Variants in STXBP6 observed in about 807,000 individuals in gnomAD.
STXBP6 encodes the protein syntaxin binding protein 6, also known as syntaxin-binding protein 6.
STXBP6 carries 21 observed loss-of-function variants against 26.9 expected under a neutral mutation model. The ratio of observed to expected loss-of-function variants is 0.78; its 90% confidence interval spans 0.55 to 1.12. The LOEUF (loss-of-function observed/expected upper bound fraction) is 1.12. STXBP6 is among the 50% of genes most tolerant of loss of function. STXBP6 has a pLI of 0.00. For missense variants in STXBP6, 232 were observed against 257.9 expected (o/e 0.90, Z 0.69); for synonymous variants, 97 against 92.6 (o/e 1.05, Z -0.27).
intron 4 of STXBP6, chr14:24,819,428 A>C: frequency 1.7e-6 from 1 of 595,042 alleles, no homozygotes. Context: ...TTCTCTATAA[A>C]CTCATCACTG....
At chr14:25,022,646 A>G (rs1475748158) in intron 1 of STXBP6, among the ~76,000 whole-genome samples, 1 of 152,246 alleles carries the variant, frequency 6.6e-6, no homozygotes, top group East Asian at 1.9e-4. Context: ...CAAATATTTT[A>G]AAAACATTAC....
chr14:24,847,820 GCA>G (rs1177557778), intron 4 of STXBP6, among the ~76,000 whole-genome samples: 1 of 152,010 alleles, frequency 6.6e-6, no homozygotes, highest in Non-Finnish European at 1.5e-5. Flanking sequence ...CTGATCTCTG[GCA>G]CAGTGTTACT....
chr14:24,832,542 T>C (rs752901534), intron 4 of STXBP6, among the ~76,000 whole-genome samples: 3 of 152,198 alleles, frequency 2.0e-5, no homozygotes, highest in Non-Finnish European at 4.4e-5. Flanking sequence ...TCATGACTAT[T>C]CATTAGTCAT....
chr14:24,874,769 G>A (rs1322750694), intron 2 of STXBP6, among the ~76,000 whole-genome samples: 6 of 151,996 alleles, frequency 3.9e-5, no homozygotes, highest in African/African-American at 1.4e-4. Context: ...CTTAGACAAG[G>A]TCCCTTTGCA....
At chr14:25,014,024 A>T (rs1465383583) in intron 1 of STXBP6, among the ~76,000 whole-genome samples, 1 of 152,216 alleles carries the variant, frequency 6.6e-6, no homozygotes, top group Non-Finnish European at 1.5e-5. Context: ...CTAATAAAAT[A>T]ATAGGATGTC....
intron 1 of STXBP6, among the ~76,000 whole-genome samples, chr14:24,978,295 A>T (rs926082327): frequency 5.3e-5 from 8 of 152,234 alleles, no homozygotes; most frequent in Non-Finnish European, 1.2e-4. Flanking sequence ...GCAGCCATGC[A>T]GTCATTCTGC....
intron 2 of STXBP6, among the ~76,000 whole-genome samples, chr14:24,938,750 C>A (rs1422334483): frequency 6.6e-6 from 1 of 152,182 alleles, no homozygotes; most frequent in Non-Finnish European, 1.5e-5. Context: ...CAGGGGTCCT[C>A]CATAACGATC....
At chr14:24,957,617 C>T (rs1046086085) in intron 2 of STXBP6, among the ~76,000 whole-genome samples, 1 of 152,218 alleles carries the variant, frequency 6.6e-6, no homozygotes, top group Non-Finnish European at 1.5e-5. Context: ...ATTTACTAAG[C>T]ATTTACTATA....
intron 2 of STXBP6, among the ~76,000 whole-genome samples, chr14:24,972,123 A>G (rs939264146): frequency 6.6e-6 from 1 of 152,108 alleles, no homozygotes; most frequent in Non-Finnish European, 1.5e-5. Flanking sequence ...TTTCCACTAC[A>G]CTGTCTGCTT....
At chr14:24,936,074 A>G (rs188836576) in intron 2 of STXBP6, among the ~76,000 whole-genome samples, 3 of 152,254 alleles carry the variant, frequency 2.0e-5, no homozygotes, top group African/African-American at 7.2e-5. Context: ...AACTTGGCTT[A>G]TTTTTTGTGT....
chr14:24,877,630 T>G (rs1016531365), intron 2 of STXBP6, among the ~76,000 whole-genome samples: 1 of 152,156 alleles, frequency 6.6e-6, no homozygotes, highest in Non-Finnish European at 1.5e-5. Flanking sequence ...TATAGCTGCA[T>G]AACATTAACT....
intron 1 of STXBP6, among the ~76,000 whole-genome samples, chr14:25,036,808 A>G (rs1229140730): frequency 6.9e-6 from 1 of 145,650 alleles, no homozygotes; most frequent in Non-Finnish European, 1.5e-5. Context: ...GTGAGCCAAG[A>G]TGGCGCCACA....
chr14:24,940,138 GCCTGT>G (rs1489907077), intron 2 of STXBP6, among the ~76,000 whole-genome samples: 2 of 152,346 alleles, frequency 1.3e-5, no homozygotes, highest in African/African-American at 2.4e-5. Flanking sequence ...AGAGGAACTT[GCCTGT>G]CCATCCAGTT....
chr14:24,931,090 C>G (rs542314725), intron 2 of STXBP6, among the ~76,000 whole-genome samples: 95 of 126,092 alleles, frequency 7.5e-4, no homozygotes, highest in Non-Finnish European at 1.0e-3. Context: ...CGCAGTCCGG[C>G]CTGGGCGACA....
chr14:24,964,844 A>G (rs1473519242), intron 2 of STXBP6, among the ~76,000 whole-genome samples: 2 of 151,920 alleles, frequency 1.3e-5, no homozygotes, highest in African/African-American at 4.8e-5. Context: ...TTTTGTTTTA[A>G]TTTTTCTTTT....
chr14:24,969,108 A>G (rs1420087231), intron 2 of STXBP6, among the ~76,000 whole-genome samples: 2 of 152,206 alleles, frequency 1.3e-5, no homozygotes, highest in Admixed American at 1.3e-4. Flanking sequence ...ATGGGTATCT[A>G]TTTACATAAA....
intron 4 of STXBP6, among the ~76,000 whole-genome samples, chr14:24,824,195 A>G (rs576158714): frequency 8.1e-4 from 123 of 152,148 alleles, no homozygotes; most frequent in Non-Finnish European, 1.4e-3. Flanking sequence ...TTAGCAAAAG[A>G]AAAGTCACAT....
intron 2 of STXBP6, among the ~76,000 whole-genome samples, chr14:24,953,027 C>T (rs1304515509): frequency 6.6e-6 from 1 of 152,174 alleles, no homozygotes; most frequent in African/African-American, 2.4e-5. Flanking sequence ...ATACTTTCTA[C>T]AGCATTCCTT....
intron 4 of STXBP6, among the ~76,000 whole-genome samples, chr14:24,837,644 A>G (rs554938136): frequency 2.5e-4 from 38 of 152,340 alleles, no homozygotes; most frequent in African/African-American, 8.9e-4. Flanking sequence ...GAGCTCTGCT[A>G]CAGGAACTTG....
Sources: gnomAD v4.1 joint callset for allele counts (sites outside exome capture counted in the v4.1 genomes callset) on GRCh38, gnomAD v4.1.1 for gene constraint, MANE v1.5 for transcripts, NCBI Gene and HGNC (gene_info 2026-07-23, HGNC 2026-07-21) for gene names.